WFDC8: variants seen among roughly 807,000 people sequenced by gnomAD.
WFDC8 encodes WAP four-disulfide core domain protein 8.
A neutral mutation model predicts 27.0 loss-of-function variants in WFDC8; 24 were observed. That is an observed-to-expected ratio of 0.89 (90% CI 0.64 to 1.25). The LOEUF is 1.25. Ranked by LOEUF, WFDC8 falls within the 50% of genes most tolerant of loss-of-function variation. The pLI is 0.00. For synonymous variants in WFDC8, 106 were observed against 99.7 expected, an observed-to-expected ratio of 1.06 and a Z score of -0.38; for missense variants, 287 against 295.9, an observed-to-expected ratio of 0.97 and a Z score of 0.22.
At chr20:45,572,886 C>T (rs1600899810) in intron 1 of WFDC8, among the ~76,000 whole-genome samples, 2 of 152,218 alleles carry the variant, frequency 1.3e-5, no homozygotes, top group African/African-American at 4.8e-5. Flanking sequence ...GGATTACAGG[C>T]GTGAGCCACC....
At position 45,568,541 on chromosome 20, in the gene WFDC8, G is replaced by A. The variant is rs545315045; in HGVS notation, c.27-6322C>T. ...CCTGATGTAATGTCCAGAAGGCCAA[G>A]TACTTGGGAGCTAATGCCCAACACT... On this transcript the variant is annotated intron_variant, in intron 1 of 5. Coordinates refer to ENST00000289953, the MANE Select transcript of WFDC8 (RefSeq NM_130896.3). The A allele has an allele frequency of 2.0e-4, 91 of 444,664 alleles. 1 individual carries two copies. The highest frequency in any genetic ancestry group is 1.7e-3 in the African/African-American group (84 of 50,356). 27.5% of individuals were successfully genotyped at this position (444,664 alleles called of 1,614,324 possible). A position where few individuals can be genotyped will look rare whatever the true frequency, so the allele number is the denominator to read the frequency against.
chr20:45,575,961 T>A (rs1426367972), intron 1 of WFDC8, among the ~76,000 whole-genome samples: 1 of 151,316 alleles, frequency 6.6e-6, no homozygotes, highest in African/African-American at 2.4e-5. Flanking sequence ...GGAGGACAAC[T>A]AGCTCCATAA....
chr20:45,552,706 A>C (rs1024931659), intron 5 of WFDC8, among the ~76,000 whole-genome samples: 3 of 152,174 alleles, frequency 2.0e-5, no homozygotes, highest in African/African-American at 7.2e-5. Flanking sequence ...GTTGGCTTCT[A>C]TCCAACATCA....
intron 5 of WFDC8, among the ~76,000 whole-genome samples, chr20:45,552,522 G>A (rs12480391): frequency 0.38 from 58,254 of 152,008 alleles, 11,636 homozygotes; most frequent in Non-Finnish European, 0.43. Context: ...CGTATTTAGA[G>A]GGAAATGAGT....
At chr20:45,565,052 G>A (rs369060794) in intron 1 of WFDC8, among the ~76,000 whole-genome samples, 1 of 64,814 alleles carries the variant, frequency 1.5e-5, no homozygotes, top group African/African-American at 4.9e-5. Flanking sequence ...AGGAAGGAAG[G>A]AAGAAGAGAG....
At chr20:45,570,267 G>T (rs1040170453) in intron 1 of WFDC8, among the ~76,000 whole-genome samples, 1 of 151,972 alleles carries the variant, frequency 6.6e-6, no homozygotes. Flanking sequence ...AAGTCTGGGG[G>T]GTAAGAGGAA....
At chr20:45,557,051 G>T (rs888531059) in intron 3 of WFDC8, among the ~76,000 whole-genome samples, 2 of 152,226 alleles carry the variant, frequency 1.3e-5, no homozygotes, top group African/African-American at 4.8e-5. Flanking sequence ...TGCAGTGCCT[G>T]CAGCCAGCAT....
At chr20:45,571,369 T>C (rs1270236768) in intron 1 of WFDC8, among the ~76,000 whole-genome samples, 6 of 152,204 alleles carry the variant, frequency 3.9e-5, no homozygotes, top group African/African-American at 1.4e-4. Context: ...TGACTAATAA[T>C]AATTATTTAT....
chr20:45,562,053 C>A, intron 2 of WFDC8, 57 bp downstream of exon 2: 1 of 1,521,824 alleles, frequency 6.6e-7, no homozygotes, highest in Non-Finnish European at 9.0e-7. Flanking sequence ...TCATGTCTAA[C>A]CCTCATCCCC....
intron 1 of WFDC8, among the ~76,000 whole-genome samples, chr20:45,569,936 A>C (rs1372895753): frequency 2.0e-5 from 3 of 152,260 alleles, no homozygotes; most frequent in Non-Finnish European, 4.4e-5. Context: ...ATGCAGGAAC[A>C]GAAAACCAAA....
intron 1 of WFDC8, among the ~76,000 whole-genome samples, chr20:45,562,851 T>G (rs17433698): frequency 6.6e-6 from 1 of 152,142 alleles, no homozygotes; most frequent in South Asian, 2.1e-4. Flanking sequence ...ATGATCCTTA[T>G]GTATTTTTTA....
chr20:45,564,868 A>G (rs1354724134), intron 1 of WFDC8, among the ~76,000 whole-genome samples: 1 of 121,662 alleles, frequency 8.2e-6, no homozygotes, highest in Admixed American at 8.4e-5. Context: ...GAAAGGAGAG[A>G]AGAGGAGAGG....
intron 1 of WFDC8, among the ~76,000 whole-genome samples, chr20:45,567,457 C>G (rs1458327440): frequency 6.6e-6 from 1 of 152,180 alleles, no homozygotes; most frequent in Non-Finnish European, 1.5e-5. Flanking sequence ...TTCAAAGTGA[C>G]ATGCAGACAT....
intron 1 of WFDC8, among the ~76,000 whole-genome samples, chr20:45,563,248 C>G (rs1980534235): frequency 6.6e-6 from 1 of 152,188 alleles, no homozygotes; most frequent in Admixed American, 6.5e-5. Flanking sequence ...GGGCCTCGCT[C>G]AATCCCTTAT....
At chr20:45,569,951 G>A (rs528037276) in intron 1 of WFDC8, among the ~76,000 whole-genome samples, 177 of 152,258 alleles carry the variant, frequency 1.2e-3, no homozygotes, top group African/African-American at 3.8e-3. Flanking sequence ...ACCAAATACC[G>A]CATGTTCTCA....
chr20:45,571,673 C>T (rs933084979), intron 1 of WFDC8, among the ~76,000 whole-genome samples: 3 of 152,200 alleles, frequency 2.0e-5, no homozygotes, highest in African/African-American at 7.2e-5. Flanking sequence ...CCACCATCTA[C>T]TCTCTACTTC....
intron 1 of WFDC8, among the ~76,000 whole-genome samples, chr20:45,563,371 ATGAAG>A (rs1208275411): frequency 3.9e-5 from 6 of 152,234 alleles, no homozygotes; most frequent in Non-Finnish European, 8.8e-5. Flanking sequence ...TGAAGATTTA[ATGAAG>A]TGGTACGGAG....
At chr20:45,564,918 AAGAG>A (rs1024564501) in intron 1 of WFDC8, among the ~76,000 whole-genome samples, 4 of 150,674 alleles carry the variant, frequency 2.7e-5, no homozygotes, top group Admixed American at 6.6e-5. Flanking sequence ...AAAAAGAAGA[AAGAG>A]AGAGTGAAAG....
At chr20:45,558,232 C>T (rs544879956) in intron 3 of WFDC8, among the ~76,000 whole-genome samples, 11 of 152,192 alleles carry the variant, frequency 7.2e-5, no homozygotes, top group Non-Finnish European at 1.5e-4. Context: ...CCAATCAAAG[C>T]CCAAATCCTA....
Sources: allele counts gnomAD v4.1 joint callset (sites outside exome capture counted in the v4.1 genomes callset), GRCh38; gene constraint gnomAD v4.1.1; transcripts MANE v1.5; gene names NCBI Gene and HGNC (gene_info 2026-07-23, HGNC 2026-07-21).